Variants in IFI16 observed in about 807,000 individuals in gnomAD.
IFI16 encodes the protein interferon gamma inducible protein 16.
IFI16 carries 49 observed loss-of-function variants against 68.4 expected under a neutral mutation model. The ratio of observed to expected loss-of-function variants is 0.72; its 90% CI spans 0.57 to 0.91. The LOEUF is 0.91. Ranked by LOEUF, IFI16 falls within the 40% of genes least tolerant of loss-of-function variation. The pLI is 0.00. For synonymous variants in IFI16, 307 were observed against 315.0 expected, an observed-to-expected ratio of 0.97 and a Z score of 0.27; for missense variants, 878 against 942.9, an observed-to-expected ratio of 0.93 and a Z score of 0.90.
rs1655508915 is a variant in IFI16 at position 159,053,779 on chromosome 1, C to CT, written c.2277+58dup. On this transcript the variant is annotated intron_variant, in intron 11 of 11. Transcript: ENST00000295809. Reference sequence around the variant, plus strand: ...CAAGTGGCGAATCATTTTGTTTATACTTTAAGAAGACTAGACTGCTACTAT... The same window carrying CT: ...CAAGTGGCGAATCATTTTGTTTATACTTTTAAGAAGACTAGACTGCTACTAT... 13 of 1,384,244 alleles carry CT rather than the reference C, an allele frequency of 9.4e-6. 1 individual carries two copies. The South Asian group carries it at 1.5e-4, about 16-fold the overall frequency. The allele number at this position is 1,384,244 out of a possible 1,614,324, so 85.7% of individuals were successfully genotyped here.
exon 1 of IFI16, chr1:159,000,012 G>C (rs1458344415): frequency 6.5e-6 from 1 of 153,848 alleles, no homozygotes; most frequent in Non-Finnish European, 1.5e-5. Flanking sequence ...GAAAGACCAA[G>C]TCTTGACTGA....
At chr1:159,017,752 C>T (rs1043191634) in intron 4 of IFI16, among the ~76,000 whole-genome samples, 1 of 152,024 alleles carries the variant, frequency 6.6e-6, no homozygotes, top group African/African-American at 2.4e-5. Context: ...GGATTACAAG[C>T]GCCTGCCACT....
rs577711874 is a variant in IFI16, at chr1:159,030,669, A to G, written c.1162-1855A>G. 8.5e-5 allele frequency among the ~76,000 whole-genome samples: 13 copies of G among 152,238 alleles called. No individual in the cohort carries two copies. In the South Asian group the frequency reaches 2.7e-3, roughly 32 times the overall value. On this transcript the variant is annotated intron_variant, in intron 6 of 11. Coordinates refer to ENST00000295809, the MANE Select transcript of IFI16 (RefSeq NM_001376587.1). ...TCAGGTCTCATCCATGGATATCAGT[A>G]CCTGCTCCTGTGGAGGTGGCAGGGC...
At chr1:159,035,672 C>G (rs1175816265) in intron 7 of IFI16, among the ~76,000 whole-genome samples, 1 of 152,036 alleles carries the variant, frequency 6.6e-6, no homozygotes, top group Admixed American at 6.6e-5. Flanking sequence ...TTCCACTGAT[C>G]ATAGGGTTTC....
At chr1:159,047,817 C>CT (rs1553211547) in intron 8 of IFI16, among the ~76,000 whole-genome samples, 2 of 150,394 alleles carry the variant, frequency 1.3e-5, no homozygotes, top group Non-Finnish European at 3.0e-5. Flanking sequence ...CGGAAACAGA[C>CT]TATTACCTTT....
At chr1:159,019,466 CTT>C (rs201187989) in intron 5 of IFI16, among the ~76,000 whole-genome samples, 4 of 143,700 alleles carry the variant, frequency 2.8e-5, no homozygotes, top group Non-Finnish European at 3.1e-5. Context: ...TGTACACAGT[CTT>C]TTTTTTTTTT....
At chr1:159,020,632 G>C in intron 6 of IFI16, 103 bp downstream of exon 6, 1 of 699,956 alleles carries the variant, frequency 1.4e-6, no homozygotes, top group Non-Finnish European at 2.3e-6. Flanking sequence ...AGTTCAGCGG[G>C]AGGCATGAGA....
At chr1:159,040,460 GT>G (rs1168172935) in intron 7 of IFI16, among the ~76,000 whole-genome samples, 1 of 152,184 alleles carries the variant, frequency 6.6e-6, no homozygotes, top group African/African-American at 2.4e-5. Flanking sequence ...TTGTTTGAGT[GT>G]TTTCATAGCT....
rs749965129 is a variant in IFI16 at position 159,016,695 on chromosome 1, A to G, written c.544A>G (p.Thr182Ala). The G allele has an allele frequency of 5.6e-6, 9 of 1,611,788 alleles. No individual in the cohort carries two copies. The highest frequency in any genetic ancestry group is 1.1e-5 in the South Asian group (1 of 90,638). Residue 182 changes from threonine (T) to alanine (A), a missense_variant, in exon 4 of 12, where the codon ACT becomes GCT. Physicochemically the swap from Thr to Ala is moderately conservative, Grantham distance 58. Coordinates refer to ENST00000295809, the MANE Select transcript of IFI16 (RefSeq NM_001376587.1). Reference sequence around the variant, plus strand: ...GTCAGCTCCACCCAACAGTTCTTCAACTGAGGTACACTCTTCCTGGTCCCA... The same window carrying G: ...GTCAGCTCCACCCAACAGTTCTTCAGCTGAGGTACACTCTTCCTGGTCCCA... The part of the protein sequence containing the change: ...SLSAPPNSSS[T>A]ENPKTVAKCQ...
chr1:159,045,680 C>A (rs919513380), intron 8 of IFI16, among the ~76,000 whole-genome samples: 7 of 151,140 alleles, frequency 4.6e-5, no homozygotes, highest in African/African-American at 1.7e-4. Flanking sequence ...AATTAGATAT[C>A]TTTTTAATTT....
chr1:159,014,311 G>T (rs1652782023), intron 1 of IFI16, among the ~76,000 whole-genome samples: 1 of 152,218 alleles, frequency 6.6e-6, no homozygotes, highest in Non-Finnish European at 1.5e-5. Context: ...CAACAGGCAG[G>T]ATTTGGGGAA....
chr1:159,022,050 G>A (rs894090794), intron 6 of IFI16, among the ~76,000 whole-genome samples: 5 of 134,318 alleles, frequency 3.7e-5, no homozygotes, highest in Non-Finnish European at 7.7e-5. Flanking sequence ...TGCAAGCTCC[G>A]CCTCCCGGGT....
rs764814875 is a variant in IFI16 at position 159,053,614 on chromosome 1, A to C, written c.2167A>C (p.Thr723Pro). The stretch of plus-strand genomic sequence containing the variant: ...GGAAGTGGTGGTGCATGGACGACTG[A>C]CCACAATCAACTGTGAGGAAGGAGA... ...KMEVVVHGRLTTINCEEGDKL... is the reference protein window; with the variant it reads ...KMEVVVHGRLPTINCEEGDKL... The change falls in exon 11 of 12, where the codon ACC (threonine) becomes CCC (proline). Residue 723 changes from threonine (T) to proline (P), a missense_variant. This residue lies in a region of IFI16 where 311 missense variants were observed against 305.1 expected (regional missense o/e 1.02). Coordinates refer to ENST00000295809, the MANE Select transcript of IFI16 (RefSeq NM_001376587.1). 1 of 1,613,850 alleles carries C rather than the reference A, an allele frequency of 6.2e-7. No homozygotes were observed. Among genetic ancestry groups the C allele is most frequent in the South Asian group, 1.1e-5 (1 of 91,070 alleles).
chr1:159,005,860 G>T (rs1009592329), upstream of IFI16: 1 of 152,220 alleles, frequency 6.6e-6, no homozygotes, highest in Non-Finnish European at 1.5e-5. Flanking sequence ...TAAGCAGGAA[G>T]TAAATAGATT....
At chr1:159,028,023 T>G (rs977096555) in intron 6 of IFI16, among the ~76,000 whole-genome samples, 1 of 152,196 alleles carries the variant, frequency 6.6e-6, no homozygotes, top group Non-Finnish European at 1.5e-5. Context: ...TTAGTTCTGC[T>G]TTGATCTTTG....
chr1:159,005,158 A>G (rs1652208574), upstream of IFI16, among the ~76,000 whole-genome samples: 1 of 152,154 alleles, frequency 6.6e-6, no homozygotes, highest in South Asian at 2.1e-4. Context: ...GCCTCACCAG[A>G]TACTGATGCT....
chr1:159,042,419 T>C (rs755641992), intron 7 of IFI16, among the ~76,000 whole-genome samples: 1 of 152,214 alleles, frequency 6.6e-6, no homozygotes. Context: ...ATCCTCTATA[T>C]TCCAGTTTCT....
upstream of IFI16, among the ~76,000 whole-genome samples, chr1:159,008,841 A>G (rs1652375520): frequency 6.6e-6 from 1 of 152,176 alleles, no homozygotes; most frequent in South Asian, 2.1e-4. Flanking sequence ...TCATGGCCCT[A>G]GTTTGGATTA....
In IFI16 at chr1:159,018,452, T is replaced by C. The variant is rs765678217; in HGVS notation, c.773T>C (p.Ile258Thr). ...AAGGAGAAATTCAATGGAAAGAAAA[T>C]CATCATCATATCAGATTATTTGGAA... ...SLKEKFNGKK[I>T]IIISDYLEYD... The change falls in exon 5 of 12, where the codon ATC becomes ACC. Residue 258 changes from isoleucine to threonine, a missense_variant. Physicochemically the swap from Ile to Thr is moderately conservative, Grantham distance 89. Around this residue, in one of 4 missense-constraint regions of IFI16, gnomAD observed 443 missense variants for 421.8 expected, o/e 1.05. Transcript: ENST00000295809. The C allele has an allele frequency of 4.3e-6, 7 of 1,613,326 alleles. No homozygotes were observed.
Sources: allele counts gnomAD v4.1 joint callset (sites outside exome capture counted in the v4.1 genomes callset), GRCh38; gene constraint gnomAD v4.1.1; regional missense constraint gnomAD v4.1.1; transcripts MANE v1.5; gene names NCBI Gene and HGNC (gene_info 2026-07-23, HGNC 2026-07-21).